VTA1: variants seen among roughly 807,000 people sequenced by gnomAD.
VTA1 encodes vacuolar protein sorting-associated protein VTA1 homolog.
A neutral mutation model predicts 36.9 loss-of-function variants in VTA1; 24 were observed. The ratio of observed to expected loss-of-function variants is 0.65; its 90% CI spans 0.47 to 0.91. The LOEUF is 0.91. VTA1 is among the 40% of genes least tolerant of loss of function. The probability of loss-of-function intolerance (pLI) is 0.00; values close to 1 mark genes in which losing one functional copy is unlikely to be tolerated. For missense variants in VTA1, 393 were observed against 377.2 expected, an observed-to-expected ratio of 1.04 and a Z score of -0.35; for synonymous variants, 142 against 130.2, an observed-to-expected ratio of 1.09 and a Z score of -0.62.
chr6:142,214,105 G>A (rs1200684607), intron 7 of VTA1, among the ~76,000 whole-genome samples: 1 of 151,990 alleles, frequency 6.6e-6, no homozygotes, highest in Admixed American at 6.6e-5. Context: ...TCATGCATAT[G>A]AGCCTACACT....
At position 142,222,332 on chromosome 6, in the gene VTA1, G is replaced by A. The variant is rs140434483; in HGVS notation, c.*3689G>A. On this transcript the variant is annotated 3_prime_UTR_variant, in exon 8 of 8. Coordinates refer to ENST00000367630, the MANE Select transcript of VTA1 (RefSeq NM_016485.5). ...GAGGGAGAAGAAGAAATAAGGTTCT[G>A]CTGACAATGATTGCCACAGATATCT... is the stretch of plus-strand genomic sequence containing the variant. 6.6e-6 allele frequency: 1 copy of A among 152,260 alleles called. No homozygotes were observed. Among genetic ancestry groups the A allele is most frequent in the Non-Finnish European group, 1.5e-5 (1 of 68,018 alleles). 9.4% of individuals were successfully genotyped at this position (152,260 alleles called of 1,614,324 possible).
At chr6:142,167,626 G>A (rs1188662213) in intron 2 of VTA1, among the ~76,000 whole-genome samples, 2 of 152,148 alleles carry the variant, frequency 1.3e-5, no homozygotes, top group African/African-American at 4.8e-5. Context: ...GTTGTATAAA[G>A]CAGCCATGGG....
rs544539671 is a variant in VTA1 at position 142,163,226 on chromosome 6, A to G, written c.113-3002A>G. ...GCAGTTCAAATTTACCAGCCAGCAC[A>G]CTTCCAAGGTTGCTTTGTAGCCCAA... On this transcript the variant is annotated intron_variant, in intron 1 of 7. Transcript: ENST00000367630. Among the ~76,000 whole-genome samples, 4 of 152,130 alleles carry G rather than the reference A, an allele frequency of 2.6e-5. No homozygotes were observed. The East Asian group carries it at 7.8e-4, about 29-fold the overall frequency.
intron 4 of VTA1, among the ~76,000 whole-genome samples, chr6:142,181,094 A>ATATATACATATATATATATATATAT: frequency 2.7e-5 from 1 of 36,442 alleles, no homozygotes; most frequent in South Asian, 1.4e-3. Context: ...AAAAAAAAAA[A>ATATATACATATATATATATATATAT]ATATATATAT....
At chr6:142,214,955 C>T (rs998604074) in intron 7 of VTA1, among the ~76,000 whole-genome samples, 2 of 152,100 alleles carry the variant, frequency 1.3e-5, no homozygotes, top group Non-Finnish European at 2.9e-5. Context: ...CTCCTTACTG[C>T]TTAGTATTTA....
At chr6:142,161,085 C>CG (rs972432597) in intron 1 of VTA1, among the ~76,000 whole-genome samples, 1 of 141,072 alleles carries the variant, frequency 7.1e-6, no homozygotes, top group Admixed American at 7.1e-5. Context: ...CCTTCCCCCC[C>CG]CCCCCTTTTT....
chr6:142,197,430 A>G (rs983627029), intron 5 of VTA1, among the ~76,000 whole-genome samples: 76 of 152,294 alleles, frequency 5.0e-4, no homozygotes, highest in African/African-American at 1.8e-3. Flanking sequence ...TTAAGTTACT[A>G]TGACTCCCAG....
At chr6:142,164,663 A>G (rs1437131427) in intron 1 of VTA1, among the ~76,000 whole-genome samples, 1 of 152,206 alleles carries the variant, frequency 6.6e-6, no homozygotes, top group East Asian at 1.9e-4. Context: ...ACTTTGTTAT[A>G]AAGCTCTAGT....
chr6:142,154,651 A>AT (rs767311772), intron 1 of VTA1, among the ~76,000 whole-genome samples: 1 of 152,076 alleles, frequency 6.6e-6, no homozygotes, highest in Non-Finnish European at 1.5e-5. Flanking sequence ...ACTATTTTTA[A>AT]TTAGTCATTC....
chr6:142,193,455 G>A (rs1201077997), intron 5 of VTA1, among the ~76,000 whole-genome samples: 1 of 151,904 alleles, frequency 6.6e-6, no homozygotes, highest in Non-Finnish European at 1.5e-5. Flanking sequence ...TTCACCCCCT[G>A]GGTTTAGCAT....
chr6:142,202,503 G>A (rs1775707691), intron 6 of VTA1, among the ~76,000 whole-genome samples: 2 of 151,938 alleles, frequency 1.3e-5, no homozygotes, highest in African/African-American at 2.4e-5. Flanking sequence ...ATTAAAAACA[G>A]CAAGACAGAT....
intron 6 of VTA1, among the ~76,000 whole-genome samples, chr6:142,203,590 T>C (rs1444725090): frequency 6.6e-6 from 1 of 152,108 alleles, no homozygotes; most frequent in Non-Finnish European, 1.5e-5. Flanking sequence ...AAATTACAAA[T>C]GTTAATTTGT....
intron 6 of VTA1, 48 bp downstream of exon 6, chr6:142,198,663 A>C (rs1353195274): frequency 6.6e-7 from 1 of 1,525,870 alleles, no homozygotes; most frequent in Non-Finnish European, 8.9e-7. Flanking sequence ...TTTTATAAAG[A>C]AGAACTGCAT....
At chr6:142,195,986 A>G (rs1192654334) in intron 5 of VTA1, among the ~76,000 whole-genome samples, 1 of 152,152 alleles carries the variant, frequency 6.6e-6, no homozygotes, top group Admixed American at 6.6e-5. Flanking sequence ...GCAGTTGAAA[A>G]GAATGTATTC....
intron 4 of VTA1, among the ~76,000 whole-genome samples, chr6:142,171,611 T>C (rs1363473546): frequency 6.6e-6 from 1 of 152,220 alleles, no homozygotes; most frequent in African/African-American, 2.4e-5. Flanking sequence ...ATGACAAATT[T>C]ACTACTTTAA....
intron 7 of VTA1, among the ~76,000 whole-genome samples, chr6:142,215,835 A>G (rs1182069012): frequency 6.6e-6 from 1 of 152,160 alleles, no homozygotes; most frequent in Non-Finnish European, 1.5e-5. Context: ...TTTTCTTTAT[A>G]CCAAGTGATG....
At chr6:142,189,773 A>G (rs1775415785) in intron 5 of VTA1, among the ~76,000 whole-genome samples, 1 of 150,918 alleles carries the variant, frequency 6.6e-6, no homozygotes, top group East Asian at 1.9e-4. Flanking sequence ...TTTTTTTTTA[A>G]TGAGACATAG....
intron 1 of VTA1, among the ~76,000 whole-genome samples, chr6:142,160,065 T>C (rs541147425): frequency 9.3e-4 from 141 of 152,330 alleles, no homozygotes; most frequent in African/African-American, 3.3e-3. Flanking sequence ...ATTGTGAATT[T>C]TACATTCTTG....
At chr6:142,203,874 C>A in intron 6 of VTA1, 111 bp from the exon 7 acceptor site, 1 of 832,244 alleles carries the variant, frequency 1.2e-6, no homozygotes, top group Non-Finnish European at 1.9e-6. Flanking sequence ...ATTGATGTTT[C>A]TAGAAAATAA....
Sources: allele counts gnomAD v4.1 joint callset (sites outside exome capture counted in the v4.1 genomes callset), GRCh38; gene constraint gnomAD v4.1.1; transcripts MANE v1.5; gene names NCBI Gene and HGNC (gene_info 2026-07-23, HGNC 2026-07-21).